The following PPP4R4 variants were observed in gnomAD, a reference collection of about 807,000 sequenced individuals.
PPP4R4 encodes the protein serine/threonine-protein phosphatase 4 regulatory subunit 4.
In PPP4R4, 70 loss-of-function variants were observed where a neutral mutation model predicts 121.8. That is an observed-to-expected ratio of 0.57 (90% CI 0.47 to 0.70). The LOEUF is 0.70. Among genes scored for constraint, PPP4R4 ranks in the 30% least tolerant of loss-of-function variants. The probability of loss-of-function intolerance (pLI) is 0.00; values close to 1 mark genes in which losing one functional copy is unlikely to be tolerated. For missense variants in PPP4R4, 875 were observed against 1,033.6 expected (o/e 0.85, Z 2.10); for synonymous variants, 348 against 355.7 (o/e 0.98, Z 0.24).
chr14:94,214,419 G>T (rs1211002549), intron 3 of PPP4R4, among the ~76,000 whole-genome samples: 2 of 151,878 alleles, frequency 1.3e-5, no homozygotes, highest in African/African-American at 4.8e-5. Context: ...CTGCTCAGGA[G>T]GCTGGGGCCC....
At chr14:94,227,205 A>G in intron 3 of PPP4R4, 1 of 1,129,634 alleles carries the variant, frequency 8.9e-7, no homozygotes, top group Non-Finnish European at 1.3e-6. Context: ...CAGCCGTACA[A>G]TAGTAATGTA....
At chr14:94,264,185 G>T (rs182361954) in intron 19 of PPP4R4, among the ~76,000 whole-genome samples, 101 of 152,264 alleles carry the variant, frequency 6.6e-4, no homozygotes, top group African/African-American at 2.4e-3. Context: ...GTCTCACTCT[G>T]TCACCCAGGC....
At chr14:94,268,166 A>G (rs977212675) in intron 23 of PPP4R4, among the ~76,000 whole-genome samples, 6 of 152,194 alleles carry the variant, frequency 3.9e-5, no homozygotes, top group Non-Finnish European at 8.8e-5. Context: ...TAAGAACTTT[A>G]TTTAAAATAT....
At chr14:94,211,280 G>A (rs543339681) in intron 3 of PPP4R4, among the ~76,000 whole-genome samples, 12 of 152,264 alleles carry the variant, frequency 7.9e-5, no homozygotes, top group Admixed American at 4.6e-4. Flanking sequence ...AGGTATAATG[G>A]TCATTTGTGA....
chr14:94,203,879 T>C (rs1890322572), intron 2 of PPP4R4, among the ~76,000 whole-genome samples: 1 of 152,196 alleles, frequency 6.6e-6, no homozygotes, highest in South Asian at 2.1e-4. Flanking sequence ...CATTTTTGAA[T>C]TGGATTGTGT....
At position 94,254,127 on chromosome 14, in the gene PPP4R4, G is replaced by A. The variant is rs74074171; in HGVS notation, c.1865+2231G>A. ...ATACATAAATTATCTGAAAGGTGTGGTCCCTAATCTCAAGAATTTGATCAT... is the reference window on the plus strand; with the variant it reads ...ATACATAAATTATCTGAAAGGTGTGATCCCTAATCTCAAGAATTTGATCAT... On this transcript the variant is annotated intron_variant, in intron 16 of 24. Transcript: ENST00000304338. 3.1e-3 allele frequency among the ~76,000 whole-genome samples: 465 copies of A among 152,238 alleles called. 2 individuals carry two copies. The highest frequency in any genetic ancestry group is 0.011 in the African/African-American group (448 of 41,542).
intron 2 of PPP4R4, among the ~76,000 whole-genome samples, chr14:94,183,534 T>TTCCCATCCCA (rs1443878665): frequency 1.3e-5 from 2 of 152,320 alleles, no homozygotes; most frequent in East Asian, 3.9e-4. Flanking sequence ...CCATCTCTGT[T>TTCCCATCCCA]TCCTTGTCTT....
intron 23 of PPP4R4, among the ~76,000 whole-genome samples, chr14:94,270,075 T>A (rs1894248403): frequency 6.6e-6 from 1 of 152,232 alleles, no homozygotes; most frequent in South Asian, 2.1e-4. Flanking sequence ...TTCTGTCATC[T>A]CAATTTTTCT....
chr14:94,242,048 C>A, intron 10 of PPP4R4, 91 bp downstream of exon 10: 1 of 1,300,382 alleles, frequency 7.7e-7, no homozygotes, highest in Non-Finnish European at 1.1e-6. Context: ...CCATTTTTGA[C>A]ACTTGCTGCT....
At chr14:94,230,498 CTATT>C (rs1366908806) in intron 3 of PPP4R4, 85 bp from the exon 4 acceptor site, 11 of 1,221,636 alleles carry the variant, frequency 9.0e-6, no homozygotes, top group South Asian at 3.0e-5. Context: ...TGGAATATGA[CTATT>C]TAGTTTCTAC....
At chr14:94,230,881 G>A (rs996938294) in intron 4 of PPP4R4, 147 bp downstream of exon 4, 7 of 900,962 alleles carry the variant, frequency 7.8e-6, no homozygotes, top group Admixed American at 3.3e-5. Flanking sequence ...ACTTAAAATA[G>A]CTATGGCTGT....
chr14:94,256,559 C>T lies in PPP4R4; in HGVS notation c.1965C>T (p.Leu655=), dbSNP rs148139995. ...AGTTAGAAATGTGTGTGAGGAAACT[C>T]CTGTGTCAAGAAAAAGATAAAGATG... The part of the protein sequence containing the change: ...LQQLEMCVRK[L]LCQEKDKDVL... Residue 655 remains leucine, a synonymous_variant, in exon 17 of 25, where the codon CTC becomes CTT. Coordinates refer to ENST00000304338, the MANE Select transcript of PPP4R4 (RefSeq NM_058237.2). 1.2e-6 allele frequency: 2 copies of T among 1,605,418 alleles called. No homozygotes were observed. Among genetic ancestry groups the T allele is most frequent in the Non-Finnish European group, 1.7e-6 (2 of 1,172,872 alleles).
intron 3 of PPP4R4, among the ~76,000 whole-genome samples, chr14:94,211,524 C>G (rs1385657570): frequency 1.3e-5 from 2 of 151,996 alleles, no homozygotes; most frequent in Admixed American, 6.6e-5. Context: ...GTGTTTTGGA[C>G]CCAGTGGATG....
At chr14:94,205,474 T>G (rs1297231517) in intron 2 of PPP4R4, among the ~76,000 whole-genome samples, 1 of 151,962 alleles carries the variant, frequency 6.6e-6, no homozygotes, top group Non-Finnish European at 1.5e-5. Flanking sequence ...TTATCGATCT[T>G]TAAAACAACT....
At chr14:94,231,433 C>A in intron 5 of PPP4R4, 118 bp downstream of exon 5, 1 of 737,738 alleles carries the variant, frequency 1.4e-6, no homozygotes, top group Non-Finnish European at 2.2e-6. Flanking sequence ...TTGAATGTAA[C>A]ACGTGCACAT....
intron 2 of PPP4R4, among the ~76,000 whole-genome samples, chr14:94,184,908 T>C (rs554277916): frequency 6.6e-6 from 1 of 152,312 alleles, no homozygotes; most frequent in East Asian, 1.9e-4. Context: ...TCTTATTAAT[T>C]TAAGTTAAAA....
At chr14:94,257,617 G>A (rs1478028189) in intron 17 of PPP4R4, among the ~76,000 whole-genome samples, 53 of 143,046 alleles carry the variant, frequency 3.7e-4, no homozygotes, top group Admixed American at 3.3e-3. Flanking sequence ...CCAGAAATAC[G>A]TAGAGTTGCA....
chr14:94,241,822 G>A lies in PPP4R4; in HGVS notation c.1011G>A (p.Leu337=), dbSNP rs754723980. 3.1e-6 allele frequency: 5 copies of A among 1,594,236 alleles called. No homozygotes were observed. The South Asian group carries it at 3.5e-5, about 11-fold the overall frequency. ...IFTPDQHLRF[L]EFYKKLCTLG... is the part of the protein sequence containing the mutation. ...CTCCAGATCAGCACTTGAGATTTTT[G>A]GAATTTTATAAGAAACTTTGTACAT... is the stretch of plus-strand genomic sequence containing the variant. The change falls in exon 10 of 25, where the codon TTG becomes TTA. Residue 337 remains leucine, a synonymous_variant. Transcript: ENST00000304338.
intron 7 of PPP4R4, 97 bp from the exon 8 acceptor site, chr14:94,237,468 T>C (rs1892402535): frequency 8.6e-7 from 1 of 1,159,164 alleles, no homozygotes; most frequent in East Asian, 2.5e-5. Context: ...TGATTTTTCA[T>C]ATTTTCTGCA....
Sources: allele counts gnomAD v4.1 joint callset (sites outside exome capture counted in the v4.1 genomes callset), GRCh38; gene constraint gnomAD v4.1.1; transcripts MANE v1.5; gene names NCBI Gene and HGNC (gene_info 2026-07-23, HGNC 2026-07-21).